The following TSPAN14 variants were observed in gnomAD, a reference collection of about 807,000 sequenced individuals.
TSPAN14 encodes tetraspanin-14.
Under a neutral mutation model 36.6 loss-of-function variants are expected in TSPAN14, and 16 were observed. The ratio of observed to expected loss-of-function variants is 0.44; its 90% CI spans 0.30 to 0.66. The LOEUF (loss-of-function observed/expected upper bound fraction) is 0.66, where lower values mean the gene tolerates loss of function less well. Among genes scored for constraint, TSPAN14 ranks in the 30% least tolerant of loss-of-function variants. The probability of loss-of-function intolerance (pLI) is 0.12; values close to 1 mark genes in which losing one functional copy is unlikely to be tolerated. For synonymous variants in TSPAN14, 139 were observed against 143.8 expected (o/e 0.97, Z 0.24); for missense variants, 231 against 355.1 (o/e 0.65, Z 2.81).
Position 80,488,062 on chromosome 10 carries a change from C to G in TSPAN14, c.-17-1155C>G, listed in dbSNP as rs536950790. On this transcript the variant is annotated intron_variant, in intron 1 of 8. Transcript: ENST00000429989. Reference sequence around the variant, plus strand: ...TTCTCACTGGCGGATGTGGGTGGGTCGCCTCCTCACCTCTAGGGTGGCCTT... The same window carrying G: ...TTCTCACTGGCGGATGTGGGTGGGTGGCCTCCTCACCTCTAGGGTGGCCTT... Among the ~76,000 whole-genome samples the G allele has an allele frequency of 2.0e-5, 3 of 152,164 alleles. No homozygotes were observed. In the South Asian group the frequency reaches 6.2e-4, roughly 32 times the overall value.
intron 1 of TSPAN14, among the ~76,000 whole-genome samples, chr10:80,476,409 GTTTTTTTTT>G (rs60589813): frequency 2.4e-5 from 2 of 85,046 alleles, no homozygotes; most frequent in African/African-American, 8.5e-5. Context: ...TTGTTTTACT[GTTTTTTTTT>G]TTTTTTTTTT....
chr10:80,514,408 GC>G, intron 7 of TSPAN14, among the ~76,000 whole-genome samples: 1 of 152,232 alleles, frequency 6.6e-6, no homozygotes, highest in Non-Finnish European at 1.5e-5. Flanking sequence ...TAAGGGGACA[GC>G]TGCAGGAGTG....
chr10:80,495,900 T>A (rs147605004), intron 2 of TSPAN14, among the ~76,000 whole-genome samples: 1 of 152,316 alleles, frequency 6.6e-6, no homozygotes, highest in Non-Finnish European at 1.5e-5. Context: ...CCAGAAACTT[T>A]CCTTGTGCCC....
At chr10:80,483,947 A>C (rs1474250962) in intron 1 of TSPAN14, among the ~76,000 whole-genome samples, 1 of 135,726 alleles carries the variant, frequency 7.4e-6, no homozygotes, top group Non-Finnish European at 1.6e-5. Context: ...AAAAAAAAAA[A>C]AAAAGTGTAA....
intron 1 of TSPAN14, among the ~76,000 whole-genome samples, chr10:80,479,238 A>G (rs1847101158): frequency 2.0e-5 from 3 of 150,960 alleles, no homozygotes; most frequent in African/African-American, 7.3e-5. Context: ...CCCATTTTGT[A>G]GGTTGCCTGT....
intron 7 of TSPAN14, chr10:80,515,965 C>T (rs1840917502): frequency 1.9e-6 from 1 of 534,620 alleles, no homozygotes; most frequent in Non-Finnish European, 3.3e-6. Flanking sequence ...TCTCTGGAGA[C>T]CTGAAAGGAA....
intron 1 of TSPAN14, among the ~76,000 whole-genome samples, chr10:80,455,230 C>T (rs961104838): frequency 6.6e-6 from 1 of 152,182 alleles, no homozygotes; most frequent in East Asian, 1.9e-4. Flanking sequence ...AGTTGATCTC[C>T]GGCGAGAAAC....
At chr10:80,518,452 C>G (rs980733904) in exon 9 of TSPAN14, 1 of 172,968 alleles carries the variant, frequency 5.8e-6, no homozygotes, top group Non-Finnish European at 1.3e-5. Context: ...GCATGGGGGC[C>G]TGCCCGTAAC....
chr10:80,458,842 C>G (rs1435343497), intron 1 of TSPAN14, among the ~76,000 whole-genome samples: 2 of 151,844 alleles, frequency 1.3e-5, no homozygotes, highest in Admixed American at 6.6e-5. Flanking sequence ...GTGTCCAGTG[C>G]CGCTCTCAAT....
intron 2 of TSPAN14, among the ~76,000 whole-genome samples, chr10:80,492,033 T>TGGCTCTGGGCCC (rs1313991767): frequency 6.6e-6 from 1 of 152,192 alleles, no homozygotes; most frequent in Non-Finnish European, 1.5e-5. Flanking sequence ...GGTGCCGGGC[T>TGGCTCTGGGCCC]GGCTCTGGGC....
At position 80,480,582 on chromosome 10, in the gene TSPAN14, A is replaced by G. The variant is rs377550817; in HGVS notation, c.-17-8635A>G. On this transcript the variant is annotated intron_variant, in intron 1 of 8. Transcript: ENST00000429989. ...TAAGAAAATGTGGCACATATACACC[A>G]TGGAATACTATGCAGCCATAAAAAA... Among the ~76,000 whole-genome samples, 897 of 152,342 alleles carry G rather than the reference A, an allele frequency of 5.9e-3. 30 individuals are homozygous for G. The highest frequency in any genetic ancestry group is 0.046 in the Admixed American group (702 of 15,300).
At chr10:80,455,868 C>G (rs140995383) in intron 1 of TSPAN14, among the ~76,000 whole-genome samples, 1 of 152,118 alleles carries the variant, frequency 6.6e-6, no homozygotes, top group Non-Finnish European at 1.5e-5. Context: ...TGTGAGCCAC[C>G]ACGCGCAGTC....
At chr10:80,512,018 G>T in intron 5 of TSPAN14, 126 bp from the exon 6 acceptor site, 1 of 1,449,706 alleles carries the variant, frequency 6.9e-7, no homozygotes, top group South Asian at 1.3e-5. Flanking sequence ...TAGGGGGCGG[G>T]CCTTGATTTC....
chr10:80,506,919 G>T (rs1460482715), intron 3 of TSPAN14, among the ~76,000 whole-genome samples: 3 of 152,226 alleles, frequency 2.0e-5, no homozygotes, highest in Non-Finnish European at 4.4e-5. Flanking sequence ...AGGCCACAGG[G>T]CCCCGTTTCC....
intron 1 of TSPAN14, among the ~76,000 whole-genome samples, chr10:80,455,752 C>T (rs1253602924): frequency 6.6e-6 from 1 of 152,066 alleles, no homozygotes; most frequent in African/African-American, 2.4e-5. Flanking sequence ...CCATAATGGC[C>T]CTGTATGCCC....
intron 2 of TSPAN14, among the ~76,000 whole-genome samples, chr10:80,503,754 T>TA (rs1840121913): frequency 6.6e-6 from 1 of 152,096 alleles, no homozygotes; most frequent in Non-Finnish European, 1.5e-5. Flanking sequence ...AGTTACTGAG[T>TA]AAAATAGGTA....
At chr10:80,457,809 A>G (rs1845800386) in intron 1 of TSPAN14, among the ~76,000 whole-genome samples, 1 of 152,242 alleles carries the variant, frequency 6.6e-6, no homozygotes, top group Non-Finnish European at 1.5e-5. Flanking sequence ...CTGTGGTAAC[A>G]GCAATCCCCA....
chr10:80,470,407 T>G (rs1359322119), intron 1 of TSPAN14, among the ~76,000 whole-genome samples: 2 of 152,230 alleles, frequency 1.3e-5, no homozygotes. Flanking sequence ...TCCTGGTTGC[T>G]TGAATCTGAG....
In TSPAN14 at chr10:80,473,303, G is replaced by A. The variant is rs533434889; in HGVS notation, c.-17-15914G>A. Among the ~76,000 whole-genome samples, 8 of 152,214 alleles carry A rather than the reference G, an allele frequency of 5.3e-5. No individual in the cohort carries two copies. The South Asian group carries it at 8.3e-4, about 16-fold the overall frequency. On this transcript the variant is annotated intron_variant, in intron 1 of 8. Transcript: ENST00000429989. ...CACCAGGTTAATGAGGAGGCCCCTC[G>A]GTGTCCTGAAACTTGGCAGGTTTTG...
Sources: allele counts gnomAD v4.1 joint callset (sites outside exome capture counted in the v4.1 genomes callset), GRCh38; gene constraint gnomAD v4.1.1; transcripts MANE v1.5; gene names NCBI Gene and HGNC (gene_info 2026-07-23, HGNC 2026-07-21).